Variants in PKHD1L1 observed in about 807,000 individuals in gnomAD.
PKHD1L1 encodes the protein PKHD1 like 1.
In PKHD1L1, 434 loss-of-function variants were observed where a neutral mutation model predicts 462.9. The ratio of observed to expected loss-of-function variants is 0.94; its 90% confidence interval spans 0.87 to 1.02. The LOEUF is 1.02. Among genes scored for constraint, PKHD1L1 ranks in the 50% least tolerant of loss-of-function variants. The probability of loss-of-function intolerance (pLI) is 0.00; values close to 1 mark genes in which losing one functional copy is unlikely to be tolerated. For missense variants in PKHD1L1, 5,202 were observed against 5,096.1 expected, an observed-to-expected ratio of 1.02 and a Z score of -0.63; for synonymous variants, 1,781 against 1,750.0, an observed-to-expected ratio of 1.02 and a Z score of -0.44.
chr8:109,420,748 A>G, intron 23 of PKHD1L1, 58 bp downstream of exon 23: 1 of 1,295,476 alleles, frequency 7.7e-7, no homozygotes, highest in Middle Eastern at 2.0e-4. Flanking sequence ...TAATTTTTTT[A>G]AATAACCAAC....
intron 22 of PKHD1L1, among the ~76,000 whole-genome samples, chr8:109,419,599 A>C (rs1186477514): frequency 1.3e-5 from 2 of 152,162 alleles, no homozygotes; most frequent in Admixed American, 1.3e-4. Flanking sequence ...ATCTATTCCC[A>C]AAATGCAACT....
intron 47 of PKHD1L1, 39 bp from the exon 48 acceptor site, chr8:109,461,733 G>T (rs191708943): frequency 6.4e-7 from 1 of 1,556,372 alleles, no homozygotes; most frequent in South Asian, 1.2e-5. Context: ...AGAGGATTCC[G>T]ACAATTTTTT....
chr8:109,527,111 A>G, intron 77 of PKHD1L1, 91 bp downstream of exon 77: 1 of 1,078,106 alleles, frequency 9.3e-7, no homozygotes, highest in Non-Finnish European at 1.3e-6. Context: ...CTTGTGCATG[A>G]TATCACTGTG....
intron 65 of PKHD1L1, 135 bp downstream of exon 65, chr8:109,497,407 T>C: frequency 1.2e-6 from 1 of 856,514 alleles, no homozygotes; most frequent in South Asian, 2.0e-5. Flanking sequence ...TTGTTCCCAC[T>C]GCCCTCTGCC....
chr8:109,371,823 G>A (rs1399038397), intron 2 of PKHD1L1, among the ~76,000 whole-genome samples: 1 of 152,072 alleles, frequency 6.6e-6, no homozygotes, highest in Admixed American at 6.6e-5. Flanking sequence ...TAGATATGCG[G>A]CATTATTTCT....
At chr8:109,388,942 T>G in intron 7 of PKHD1L1, 137 bp from the exon 8 acceptor site, 1 of 531,818 alleles carries the variant, frequency 1.9e-6, no homozygotes, top group South Asian at 3.3e-5. Context: ...TAGTTTTATT[T>G]TACAGAAATT....
At chr8:109,446,441 T>C (rs1816146317) in intron 38 of PKHD1L1, among the ~76,000 whole-genome samples, 2 of 152,186 alleles carry the variant, frequency 1.3e-5, no homozygotes, top group African/African-American at 4.8e-5. Context: ...GTTAAAGAAG[T>C]TTATTCATAT....
intron 36 of PKHD1L1, 115 bp from the exon 37 acceptor site, chr8:109,443,561 A>G (rs1815934996): frequency 1.1e-6 from 1 of 876,748 alleles, no homozygotes; most frequent in Non-Finnish European, 1.7e-6. Flanking sequence ...GTTTTTCAAA[A>G]AAGATTTACC....
chr8:109,412,500 A>G (rs1813910037), intron 20 of PKHD1L1, 86 bp downstream of exon 20: 1 of 1,355,178 alleles, frequency 7.4e-7, no homozygotes, highest in South Asian at 1.5e-5. Flanking sequence ...AAGAAAAAAT[A>G]TTTGCCATAT....
chr8:109,466,016 T>A (rs749618880), intron 49 of PKHD1L1, among the ~76,000 whole-genome samples: 29 of 152,194 alleles, frequency 1.9e-4, no homozygotes, highest in Admixed American at 3.3e-4. Context: ...CTATAGATGG[T>A]AATGATTTAC....
rs948939993 is a variant in PKHD1L1 at position 109,535,091 on chromosome 8, A to G, written c.*5001A>G. Among the ~76,000 whole-genome samples the G allele has an allele frequency of 1.3e-5, 2 of 152,146 alleles. No individual in the cohort carries two copies. The highest frequency in any genetic ancestry group is 2.9e-5 in the Non-Finnish European group (2 of 68,026). On this transcript the variant is annotated 3_prime_UTR_variant, in exon 78 of 78. Transcript: ENST00000378402. Reference sequence around the variant, plus strand: ...CTTTTAAAAATATTACAGAAACTGCACTTTATCCTGACTTACAGCCTTAAT... The same window carrying G: ...CTTTTAAAAATATTACAGAAACTGCGCTTTATCCTGACTTACAGCCTTAAT...
chr8:109,471,496 A>G (rs753143437), intron 50 of PKHD1L1, among the ~76,000 whole-genome samples: 6 of 152,170 alleles, frequency 3.9e-5, no homozygotes, highest in Non-Finnish European at 8.8e-5. Flanking sequence ...TTTTTCTAAG[A>G]CATTTTTCAT....
chr8:109,409,870 G>A lies in PKHD1L1; in HGVS notation c.1977G>A (p.Gln659=), dbSNP rs1813746147. The A allele has an allele frequency of 6.4e-7, 1 of 1,570,364 alleles. No individual in the cohort carries two copies. Among genetic ancestry groups the A allele is most frequent in the Non-Finnish European group, 8.6e-7 (1 of 1,158,456 alleles). ...TGTTTATATTGTTAATTTAGTTTCAGGGAGCAGTGGAAGAAATGGTTAGCA... is the reference window on the plus strand; with the variant it reads ...TGTTTATATTGTTAATTTAGTTTCAAGGAGCAGTGGAAGAAATGGTTAGCA... ...LTLWSSEAEF[Q]GAVEEMVSTK... The change falls in exon 19 of 78, where the codon CAG becomes CAA. Residue 659 remains glutamine (Q), a synonymous_variant. Coordinates refer to ENST00000378402, the MANE Select transcript of PKHD1L1 (RefSeq NM_177531.6).
chr8:109,451,525 G>A (rs1333461278), intron 41 of PKHD1L1, among the ~76,000 whole-genome samples: 2 of 152,060 alleles, frequency 1.3e-5, no homozygotes, highest in African/African-American at 2.4e-5. Flanking sequence ...CTGCTTCATT[G>A]GATCAAAGAA....
At chr8:109,366,527 T>G (rs1202891095) in intron 2 of PKHD1L1, among the ~76,000 whole-genome samples, 3 of 152,198 alleles carry the variant, frequency 2.0e-5, no homozygotes, top group Non-Finnish European at 4.4e-5. Context: ...AGATCTACTG[T>G]ACAGCATAGA....
At chr8:109,407,634 T>G (rs1475859017) in intron 17 of PKHD1L1, among the ~76,000 whole-genome samples, 1 of 152,172 alleles carries the variant, frequency 6.6e-6, no homozygotes, top group East Asian at 1.9e-4. Context: ...GGAATTCAGC[T>G]TTGTGCCCTA....
intron 47 of PKHD1L1, among the ~76,000 whole-genome samples, chr8:109,460,956 T>C (rs1476543103): frequency 6.6e-6 from 1 of 152,176 alleles, no homozygotes. Context: ...GTGTCTCTTA[T>C]ACTCAAGGGT....
At chr8:109,432,437 A>G (rs934642041) in intron 27 of PKHD1L1, among the ~76,000 whole-genome samples, 2 of 152,274 alleles carry the variant, frequency 1.3e-5, no homozygotes, top group Admixed American at 1.3e-4. Context: ...GAATCTATGT[A>G]GAATCTATAT....
chr8:109,451,250 A>T, intron 41 of PKHD1L1, 101 bp downstream of exon 41: 1 of 1,244,064 alleles, frequency 8.0e-7, no homozygotes, highest in South Asian at 1.8e-5. Flanking sequence ...ACAGTCATGC[A>T]ATGTGTACCT....
Sources: allele counts gnomAD v4.1 joint callset (sites outside exome capture counted in the v4.1 genomes callset), GRCh38; gene constraint gnomAD v4.1.1; transcripts MANE v1.5; gene names NCBI Gene and HGNC (gene_info 2026-07-23, HGNC 2026-07-21).